The following SDK1 variants were observed in gnomAD, a reference collection of about 807,000 sequenced individuals.
SDK1 encodes the protein protein sidekick-1.
SDK1 carries 157 observed loss-of-function variants against 245.5 expected under a neutral mutation model. The ratio of observed to expected loss-of-function variants is 0.64; its 90% CI spans 0.56 to 0.73. The LOEUF (loss-of-function observed/expected upper bound fraction) is 0.73. Ranked by LOEUF, SDK1 falls within the 30% of genes least tolerant of loss-of-function variation. The pLI is 0.00. For missense variants in SDK1, 3,583 were observed against 3,002.3 expected, an observed-to-expected ratio of 1.19 and a Z score of -4.52; for synonymous variants, 1,647 against 1,278.5, an observed-to-expected ratio of 1.29 and a Z score of -6.15.
chr7:4,078,520 C>A (rs566583804), intron 21 of SDK1, among the ~76,000 whole-genome samples: 2 of 152,286 alleles, frequency 1.3e-5, no homozygotes, highest in East Asian at 3.9e-4. Flanking sequence ...TGTCCCTGTG[C>A]AAGACCTGGT....
At position 4,135,956 on chromosome 7, in the gene SDK1, AG is replaced by A. The variant is rs1240538703; in HGVS notation, c.4228+3535del. Among the ~76,000 whole-genome samples, 3 of 152,320 alleles carry A rather than the reference AG, an allele frequency of 2.0e-5. No individual in the cohort carries two copies. The East Asian group carries it at 5.8e-4, about 29-fold the overall frequency. ...TCCATAACTCTGGTTGCTGAAGCAG[AG>A]GCTTCTTGCCGACAAGAGAAAGAAA... On this transcript the variant is annotated intron_variant, in intron 28 of 44. Coordinates refer to ENST00000404826, the MANE Select transcript of SDK1 (RefSeq NM_152744.4).
chr7:4,091,334 C>CTTTTCTTTTTTTTTTTTTTTTTTTT (rs1259034611), intron 22 of SDK1, among the ~76,000 whole-genome samples: 2 of 108,260 alleles, frequency 1.8e-5, no homozygotes, highest in African/African-American at 8.3e-5. Context: ...CTTTTCTTTT[C>CTTTTCTTTTTTTTTTTTTTTTTTTT]TTTTTTTTTT....
intron 4 of SDK1, among the ~76,000 whole-genome samples, chr7:3,801,983 C>T (rs1368917827): frequency 6.6e-6 from 1 of 152,148 alleles, no homozygotes; most frequent in Non-Finnish European, 1.5e-5. Flanking sequence ...AGGGGTATTC[C>T]TTTTTCTTTT....
In SDK1 at chr7:4,193,757, C is replaced by T. The variant is rs141540666; in HGVS notation, c.5099-12122C>T. On this transcript the variant is annotated intron_variant, in intron 35 of 44. Transcript: ENST00000404826. ...TCTCACTCAAGGCAATCTTAGCAGA[C>T]TTGAGACTCAGTATCTGCTTCTGAA... Among the ~76,000 whole-genome samples the T allele has an allele frequency of 9.7e-3, 1,471 of 152,282 alleles. 25 individuals are homozygous for T. Among genetic ancestry groups the T allele is most frequent in the African/African-American group, 0.033 (1,390 of 41,548 alleles).
intron 43 of SDK1, 138 bp downstream of exon 43, chr7:4,242,051 C>A (rs2128238320): frequency 2.0e-6 from 2 of 995,754 alleles, no homozygotes; most frequent in African/African-American, 1.6e-5. Flanking sequence ...GCCAAGTGCG[C>A]TCCCAAACCA....
chr7:4,154,178 C>T (rs748248768), intron 30 of SDK1, among the ~76,000 whole-genome samples: 3 of 152,256 alleles, frequency 2.0e-5, no homozygotes, highest in Admixed American at 6.5e-5. Context: ...TGTCCTTCCC[C>T]GACGCCCATT....
chr7:4,021,649 G>T (rs1392514351), intron 17 of SDK1, among the ~76,000 whole-genome samples: 1 of 152,216 alleles, frequency 6.6e-6, no homozygotes, highest in Non-Finnish European at 1.5e-5. Context: ...AAGGCAACAA[G>T]GAGAAAGCCT....
At chr7:3,695,790 C>G (rs1047930533) in intron 4 of SDK1, among the ~76,000 whole-genome samples, 8 of 152,138 alleles carry the variant, frequency 5.3e-5, no homozygotes, top group Non-Finnish European at 7.3e-5. Flanking sequence ...AACCGCTAGA[C>G]GTAGCCTGTA....
chr7:4,166,389 A>C (rs74676154), intron 32 of SDK1, among the ~76,000 whole-genome samples: 41,005 of 152,048 alleles, frequency 0.27, 7,036 homozygotes, highest in African/African-American at 0.49. Flanking sequence ...TAAGGCATTG[A>C]TAGGAAGACA....
At chr7:4,008,639 TAAAG>T (rs373638803) in intron 14 of SDK1, among the ~76,000 whole-genome samples, 38 of 152,112 alleles carry the variant, frequency 2.5e-4, no homozygotes, top group African/African-American at 6.0e-4. Context: ...TCTTTCCAAA[TAAAG>T]GAAGGAATGT....
At chr7:4,135,199 A>G (rs553963623) in intron 28 of SDK1, among the ~76,000 whole-genome samples, 2 of 152,344 alleles carry the variant, frequency 1.3e-5, no homozygotes, top group South Asian at 2.1e-4. Context: ...TGAGGCCACA[A>G]TGAAATCCCA....
intron 4 of SDK1, among the ~76,000 whole-genome samples, chr7:3,761,260 CTTTTTTTTTTTT>C (rs71029692): frequency 1.1e-5 from 1 of 93,762 alleles, no homozygotes; most frequent in African/African-American, 4.2e-5. Context: ...GCCCCCCCTC[CTTTTTTTTTTTT>C]TTTTTTTTGC....
intron 4 of SDK1, among the ~76,000 whole-genome samples, chr7:3,692,451 CAG>C (rs1014957490): frequency 6.6e-6 from 1 of 152,046 alleles, no homozygotes; most frequent in African/African-American, 2.4e-5. Flanking sequence ...GATCATTAAA[CAG>C]AGAGGATTTC....
intron 1 of SDK1, among the ~76,000 whole-genome samples, chr7:3,535,011 C>G (rs1778835045): frequency 6.6e-6 from 1 of 152,192 alleles, no homozygotes; most frequent in Non-Finnish European, 1.5e-5. Flanking sequence ...CAGTGGCTCA[C>G]TCCTGTAATC....
intron 4 of SDK1, among the ~76,000 whole-genome samples, chr7:3,731,958 A>G (rs2115041738): frequency 6.6e-6 from 1 of 152,010 alleles, no homozygotes; most frequent in East Asian, 1.9e-4. Flanking sequence ...CGCCTAGATA[A>G]TTTTTGTATT....
chr7:3,845,465 G>A (rs1780252723), intron 5 of SDK1, among the ~76,000 whole-genome samples: 1 of 144,160 alleles, frequency 6.9e-6, no homozygotes, highest in African/African-American at 2.7e-5. Flanking sequence ...ACTCCAGCCT[G>A]GTGACAGAGT....
intron 38 of SDK1, among the ~76,000 whole-genome samples, chr7:4,213,653 C>T (rs1267586379): frequency 6.6e-6 from 1 of 151,996 alleles, no homozygotes; most frequent in Non-Finnish European, 1.5e-5. Flanking sequence ...TCAGAAGTGC[C>T]GCACAGGGGC....
At chr7:3,504,469 ATG>A (rs1257665871) in intron 1 of SDK1, among the ~76,000 whole-genome samples, 11 of 152,088 alleles carry the variant, frequency 7.2e-5, no homozygotes, top group Non-Finnish European at 5.9e-5. Context: ...AAAGACATAT[ATG>A]TTGGTGGAAT....
At chr7:4,144,188 C>T (rs185077214) in intron 28 of SDK1, among the ~76,000 whole-genome samples, 2 of 152,156 alleles carry the variant, frequency 1.3e-5, no homozygotes, top group African/African-American at 4.8e-5. Context: ...CTCTAGGCTG[C>T]CCTCGGTCAG....
Sources: allele counts gnomAD v4.1 joint callset (sites outside exome capture counted in the v4.1 genomes callset), GRCh38; gene constraint gnomAD v4.1.1; transcripts MANE v1.5; gene names NCBI Gene and HGNC (gene_info 2026-07-23, HGNC 2026-07-21).